Variants in CCS observed in about 807,000 individuals in gnomAD.
CCS encodes superoxide dismutase copper chaperone.
In CCS, 32 loss-of-function variants were observed where a neutral mutation model predicts 35.5. The ratio of observed to expected loss-of-function variants is 0.90; its 90% CI spans 0.68 to 1.21. CCS has a LOEUF of 1.21. CCS is among the 50% of genes most tolerant of loss of function. CCS has a pLI of 0.00. For synonymous variants in CCS, 130 were observed against 147.2 expected, an observed-to-expected ratio of 0.88 and a Z score of 0.84; for missense variants, 342 against 375.4, an observed-to-expected ratio of 0.91 and a Z score of 0.73.
intron 5 of CCS, among the ~76,000 whole-genome samples, chr11:66,601,439 A>C (rs550777000): frequency 6.6e-5 from 10 of 152,330 alleles, no homozygotes; most frequent in Non-Finnish European, 1.5e-4. Context: ...CTTGTGCCAC[A>C]AAACAATTGA....
chr11:66,600,146 A>C, intron 4 of CCS: 1 of 202,446 alleles, frequency 4.9e-6, no homozygotes, highest in Non-Finnish European at 9.8e-6. Context: ...AAAAAAAATA[A>C]AATCTGATCT....
chr11:66,604,288 T>C (rs1038585067), intron 5 of CCS, among the ~76,000 whole-genome samples: 2 of 152,042 alleles, frequency 1.3e-5, no homozygotes, highest in South Asian at 2.1e-4. Flanking sequence ...CCCCTCCCCC[T>C]TCTTGATCTT....
chr11:66,594,210 T>C (rs1294030165), intron 2 of CCS, among the ~76,000 whole-genome samples: 1 of 151,884 alleles, frequency 6.6e-6, no homozygotes, highest in Non-Finnish European at 1.5e-5. Flanking sequence ...ATACAAAAAA[T>C]TAGCCGGGCG....
chr11:66,604,612 C>T (rs1858624664), intron 5 of CCS, among the ~76,000 whole-genome samples: 1 of 152,194 alleles, frequency 6.6e-6, no homozygotes, highest in African/African-American at 2.4e-5. Context: ...TGTCATCACC[C>T]CTAGTCTGTT....
intron 1 of CCS, 42 bp downstream of exon 1, chr11:66,593,342 G>T: frequency 6.7e-7 from 1 of 1,482,338 alleles, no homozygotes; most frequent in Non-Finnish European, 9.0e-7. Context: ...CGGGCAGAGA[G>T]CCTCGGCCCC....
chr11:66,593,424 A>G, intron 1 of CCS, 124 bp downstream of exon 1: 1 of 1,114,334 alleles, frequency 9.0e-7, no homozygotes, highest in South Asian at 1.5e-5. Flanking sequence ...CATGGGATGA[A>G]ACTAGGGTGC....
At position 66,605,771 on chromosome 11, in the gene CCS, T is replaced by C. The variant is rs756979792; in HGVS notation, c.741T>C (p.Asp247=). ...ACCCCAAGCAGATCTGCTCTTGCGA[T>C]GGCCTCACCATCTGGGAGGAGCGAG... ...FQNPKQICSC[D]GLTIWEERGR... is the part of the protein sequence containing the mutation. Residue 247 remains aspartate (D), a synonymous_variant, in exon 8 of 8, where the codon GAT becomes GAC. Coordinates refer to ENST00000533244, the MANE Select transcript of CCS (RefSeq NM_005125.2). 3 of 1,608,196 alleles carry C rather than the reference T, an allele frequency of 1.9e-6. No homozygotes were observed. Among genetic ancestry groups the C allele is most frequent in the South Asian group, 1.1e-5 (1 of 90,498 alleles).
rs1858638433 is a variant in CCS, at chr11:66,605,387, A to G, written c.538A>G (p.Ile180Val). 1.9e-6 allele frequency: 3 copies of G among 1,614,210 alleles called. No individual in the cohort carries two copies. The highest frequency in any genetic ancestry group is 3.3e-4 in the Middle Eastern group (2 of 6,062). The change falls in exon 6 of 8, where the codon ATC (isoleucine) becomes GTC (valine). Residue 180 changes from isoleucine (I) to valine (V), a missense_variant. Transcript: ENST00000533244. Reference protein sequence around the residue: ...NVRADADGRAIFRMEDEQLKV... With the variant: ...NVRADADGRAVFRMEDEQLKV... ...CCGTGCTGATGCTGACGGCCGCGCC[A>G]TCTTCAGAATGGAGGATGAGCAGCT...
At chr11:66,601,664 G>A (rs1424759323) in intron 5 of CCS, among the ~76,000 whole-genome samples, 1 of 151,758 alleles carries the variant, frequency 6.6e-6, no homozygotes, top group African/African-American at 2.4e-5. Context: ...GAACTCATGG[G>A]CTCAAGCAAT....
At chr11:66,593,773 G>T in intron 2 of CCS, 59 bp downstream of exon 2, 1 of 1,479,742 alleles carries the variant, frequency 6.8e-7, no homozygotes, top group Non-Finnish European at 9.4e-7. Context: ...GGGACCAGGC[G>T]AATCTATTAG....
chr11:66,596,359 G>A (rs938987745), intron 2 of CCS, among the ~76,000 whole-genome samples: 5 of 148,824 alleles, frequency 3.4e-5, no homozygotes, highest in Admixed American at 6.8e-5. Flanking sequence ...GCGCCACCAC[G>A]CCTGGCCATC....
At chr11:66,595,258 G>A (rs537747474) in intron 2 of CCS, among the ~76,000 whole-genome samples, 29 of 152,264 alleles carry the variant, frequency 1.9e-4, no homozygotes, top group African/African-American at 7.0e-4. Flanking sequence ...TGAGAAGAAG[G>A]GCTTACAGGT....
At chr11:66,601,076 T>C (rs1333394842) in intron 5 of CCS, among the ~76,000 whole-genome samples, 1 of 152,202 alleles carries the variant, frequency 6.6e-6, no homozygotes, top group African/African-American at 2.4e-5. Context: ...TATTTTTAGT[T>C]ACTCAATCAT....
Position 66,605,719 on chromosome 11 carries a change from T to C in CCS, c.689T>C (p.Ile230Thr), listed in dbSNP as rs1858647089. The C allele has an allele frequency of 6.3e-7, 1 of 1,590,162 alleles. No homozygotes were observed. The highest frequency in any genetic ancestry group is 8.6e-7 in the Non-Finnish European group (1 of 1,168,028). Residue 230 changes from isoleucine to threonine, a missense_variant, in exon 8 of 8, where the codon ATT (isoleucine) becomes ACT (threonine). Physicochemically the swap from Ile to Thr is moderately conservative, Grantham distance 89. Coordinates refer to ENST00000533244, the MANE Select transcript of CCS (RefSeq NM_005125.2). Reference protein sequence around the residue: ...NSGERLACGIIARSAGLFQNP... With the variant: ...NSGERLACGITARSAGLFQNP... ...TTCTGCAGGTTGGCCTGTGGCATCATTGCACGCTCCGCTGGCCTTTTCCAG... is the reference window on the plus strand; with the variant it reads ...TTCTGCAGGTTGGCCTGTGGCATCACTGCACGCTCCGCTGGCCTTTTCCAG...
At chr11:66,603,217 C>G (rs919436872) in intron 5 of CCS, among the ~76,000 whole-genome samples, 38 of 152,262 alleles carry the variant, frequency 2.5e-4, no homozygotes, top group African/African-American at 8.9e-4. Flanking sequence ...GAAAGGCTGC[C>G]TTTCCCTGAA....
At chr11:66,596,380 CTTTT>C (rs763924445) in intron 2 of CCS, among the ~76,000 whole-genome samples, 1 of 137,026 alleles carries the variant, frequency 7.3e-6, no homozygotes. Context: ...TGACAACTGA[CTTTT>C]TTTTTTTTTT....
At chr11:66,599,695 C>T (rs1476740877) in intron 4 of CCS, 59 bp downstream of exon 4, 1 of 1,475,782 alleles carries the variant, frequency 6.8e-7, no homozygotes, top group Non-Finnish European at 9.3e-7. Flanking sequence ...ACACTGGGCC[C>T]TCACCAATAC....
At chr11:66,604,044 A>AATT (rs1565062389) in intron 5 of CCS, among the ~76,000 whole-genome samples, 22 of 145,726 alleles carry the variant, frequency 1.5e-4, no homozygotes, top group African/African-American at 5.9e-4. Flanking sequence ...ATAAATAAAT[A>AATT]AATAAATAAA....
chr11:66,599,725 C>G (rs1296496172), intron 4 of CCS, 89 bp downstream of exon 4: 2 of 1,207,850 alleles, frequency 1.7e-6, no homozygotes, highest in East Asian at 2.6e-5. Context: ...CACATACACA[C>G]AGGCACAACC....
Sources: allele counts gnomAD v4.1 joint callset (sites outside exome capture counted in the v4.1 genomes callset), GRCh38; gene constraint gnomAD v4.1.1; transcripts MANE v1.5; gene names NCBI Gene and HGNC (gene_info 2026-07-23, HGNC 2026-07-21).